Variants in HORMAD2 observed in about 807,000 individuals in gnomAD.
HORMAD2 encodes HORMA domain-containing protein 2.
In HORMAD2, 45 loss-of-function variants were observed where a neutral mutation model predicts 38.8. That is an observed-to-expected ratio of 1.16 (90% CI 0.91 to 1.49). The LOEUF (loss-of-function observed/expected upper bound fraction) is 1.49, where lower values mean the gene tolerates loss of function less well. Ranked by LOEUF, HORMAD2 falls within the 40% of genes most tolerant of loss-of-function variation. The pLI is 0.00. For synonymous variants in HORMAD2, 126 were observed against 122.8 expected (o/e 1.03, Z -0.17); for missense variants, 338 against 367.0 (o/e 0.92, Z 0.65).
chr22:30,165,446 T>C (rs1442517328), intron 10 of HORMAD2, among the ~76,000 whole-genome samples: 1 of 152,170 alleles, frequency 6.6e-6, no homozygotes, highest in Non-Finnish European at 1.5e-5. Flanking sequence ...GCAAAAAATT[T>C]TATTGGGATT....
At chr22:30,190,084 T>G in the HORMAD2 span, among the ~76,000 whole-genome samples, 3 of 152,224 alleles carry the variant, frequency 2.0e-5, no homozygotes, top group Non-Finnish European at 2.9e-5. Context: ...ATTAGCCATG[T>G]GGGCTTGGGT....
downstream of HORMAD2, among the ~76,000 whole-genome samples, chr22:30,179,609 A>G (rs901652358): frequency 2.0e-5 from 3 of 152,206 alleles, no homozygotes; most frequent in African/African-American, 7.2e-5. Flanking sequence ...CCTTGGGTGC[A>G]CAATATCTCT....
chr22:30,162,369 G>A (rs1397383799), intron 10 of HORMAD2, among the ~76,000 whole-genome samples: 3 of 151,676 alleles, frequency 2.0e-5, no homozygotes, highest in Non-Finnish European at 4.4e-5. Flanking sequence ...GTTTAATACA[G>A]CAGCCACTAG....
At chr22:30,207,137 G>A in the HORMAD2 span, 1 of 468,750 alleles carries the variant, frequency 2.1e-6, no homozygotes, top group South Asian at 1.6e-5. Flanking sequence ...CAGAGAATGT[G>A]GCTCACTGTG....
At chr22:30,195,049 C>T in the HORMAD2 span, among the ~76,000 whole-genome samples, 4 of 151,856 alleles carry the variant, frequency 2.6e-5, no homozygotes, top group South Asian at 2.1e-4. Context: ...AAAAATTAGC[C>T]GGGCATGGTG....
At chr22:30,082,023 A>G (rs1386452276) in intron 1 of HORMAD2, among the ~76,000 whole-genome samples, 1 of 152,112 alleles carries the variant, frequency 6.6e-6, no homozygotes, top group African/African-American at 2.4e-5. Context: ...CTTTTGTTTC[A>G]GCATCATTTG....
At chr22:30,112,627 G>A (rs1247674192) in intron 7 of HORMAD2, 105 bp downstream of exon 7, 7 of 473,388 alleles carry the variant, frequency 1.5e-5, no homozygotes, top group Admixed American at 4.3e-5. Context: ...TACCATATGA[G>A]CAGAGGAACT....
the HORMAD2 span, among the ~76,000 whole-genome samples, chr22:30,189,976 C>T: frequency 6.6e-6 from 1 of 152,156 alleles, no homozygotes; most frequent in Non-Finnish European, 1.5e-5. Context: ...CCCTACGTCT[C>T]CTCTCTCTAA....
At chr22:30,094,609 G>A (rs550551281) in intron 2 of HORMAD2, among the ~76,000 whole-genome samples, 1 of 152,226 alleles carries the variant, frequency 6.6e-6, no homozygotes, top group Non-Finnish European at 1.5e-5. Flanking sequence ...AATATACAAA[G>A]CGATATATGA....
chr22:30,099,573 C>G (rs1242958406), intron 3 of HORMAD2, among the ~76,000 whole-genome samples: 1 of 152,066 alleles, frequency 6.6e-6, no homozygotes, highest in African/African-American at 2.4e-5. Flanking sequence ...GTTTCTGGCC[C>G]CTTTTCTTCT....
intron 10 of HORMAD2, among the ~76,000 whole-genome samples, chr22:30,131,401 AT>A (rs1237529315): frequency 2.0e-5 from 3 of 152,194 alleles, no homozygotes; most frequent in African/African-American, 7.2e-5. Flanking sequence ...TGAAATACTT[AT>A]GTGTCTTTAT....
At chr22:30,157,995 A>G (rs1478574307) in intron 10 of HORMAD2, among the ~76,000 whole-genome samples, 2 of 152,176 alleles carry the variant, frequency 1.3e-5, no homozygotes, top group East Asian at 3.8e-4. Flanking sequence ...CTTGTTTTAC[A>G]TATATTAACA....
At chr22:30,151,505 A>G (rs1238711028) in intron 10 of HORMAD2, among the ~76,000 whole-genome samples, 1 of 152,200 alleles carries the variant, frequency 6.6e-6, no homozygotes, top group Non-Finnish European at 1.5e-5. Flanking sequence ...AAGAATTTCA[A>G]CATGAAAAAT....
In HORMAD2 at chr22:30,101,457, A is replaced by G. The variant is rs1601516644; in HGVS notation, c.194-1980A>G. Among the ~76,000 whole-genome samples, 5 of 152,200 alleles carry G rather than the reference A, an allele frequency of 3.3e-5. No individual in the cohort carries two copies. In the Middle Eastern group the frequency reaches 0.017, roughly 518 times the overall value. On this transcript the variant is annotated intron_variant, in intron 3 of 10. Coordinates refer to ENST00000336726, the MANE Select transcript of HORMAD2 (RefSeq NM_152510.4). ...AGGGGGGTGGGGGGCAAGGGAAGGA[A>G]TAGCATTAGGACAAATACCTAATGC...
intron 10 of HORMAD2, among the ~76,000 whole-genome samples, chr22:30,155,362 TG>T (rs1925005669): frequency 6.6e-6 from 1 of 152,212 alleles, no homozygotes; most frequent in African/African-American, 2.4e-5. Flanking sequence ...TATGGACTCA[TG>T]GGTCTTTATT....
rs533661520 is a variant in HORMAD2 at position 30,138,668 on chromosome 22, G to A, written c.819+16454G>A. 3.3e-5 allele frequency among the ~76,000 whole-genome samples: 5 copies of A among 151,530 alleles called. No individual in the cohort carries two copies. In the East Asian group the frequency reaches 9.7e-4, roughly 29 times the overall value. ...AGATTATAAATTTTGTATTTATTTTGTTAAATTTATTCATGAGCATTCTTT... is the reference window on the plus strand; with the variant it reads ...AGATTATAAATTTTGTATTTATTTTATTAAATTTATTCATGAGCATTCTTT... On this transcript the variant is annotated intron_variant, in intron 10 of 10. Transcript: ENST00000336726.
the HORMAD2 span, chr22:30,184,699 C>T: frequency 2.0e-5 from 3 of 152,088 alleles, no homozygotes; most frequent in African/African-American, 4.8e-5. Context: ...GTTTTGACAC[C>T]GTGCTGCCTA....
chr22:30,196,145 C>T, the HORMAD2 span, among the ~76,000 whole-genome samples: 1 of 152,228 alleles, frequency 6.6e-6, no homozygotes, highest in African/African-American at 2.4e-5. Flanking sequence ...GGCACTTCAA[C>T]TTGAAGAGGA....
At chr22:30,180,795 C>T (rs1213148047), downstream of HORMAD2, among the ~76,000 whole-genome samples, 2 of 151,074 alleles carry the variant, frequency 1.3e-5, no homozygotes, top group Non-Finnish European at 3.0e-5. Context: ...CTTCCCTTCC[C>T]TTTTTCTCTT....
Sources: allele counts gnomAD v4.1 joint callset (sites outside exome capture counted in the v4.1 genomes callset), GRCh38; gene constraint gnomAD v4.1.1; transcripts MANE v1.5; gene names NCBI Gene and HGNC (gene_info 2026-07-23, HGNC 2026-07-21).